The following TULP4 variants were observed in gnomAD, a reference collection of about 807,000 sequenced individuals.
TULP4 encodes TUB like protein 4.
A neutral mutation model predicts 129.0 loss-of-function variants in TULP4; 16 were observed. The ratio of observed to expected loss-of-function variants is 0.12; its 90% CI spans 0.08 to 0.19. The LOEUF (loss-of-function observed/expected upper bound fraction) is 0.19. TULP4 is among the 10% of genes least tolerant of loss of function. The pLI is 1.00. For missense variants in TULP4, 1,842 were observed against 2,059.1 expected, an observed-to-expected ratio of 0.89 and a Z score of 2.04; for synonymous variants, 998 against 854.0, an observed-to-expected ratio of 1.17 and a Z score of -2.94.
At position 158,312,683 on chromosome 6, in the gene TULP4, C is replaced by G. The variant is rs1374295519; in HGVS notation, c.-1334C>G. 6.6e-6 allele frequency: 1 copy of G among 151,622 alleles called. No individual in the cohort carries two copies. Among genetic ancestry groups the G allele is most frequent in the African/African-American group, 2.4e-5 (1 of 41,404 alleles). 9.4% of individuals were successfully genotyped at this position (151,622 alleles called of 1,614,324 possible). On this transcript the variant is annotated 5_prime_UTR_variant, in exon 1 of 14. Transcript: ENST00000367097. ...GAGAAATTTTAATTTATTATTCCCC[C>G]CCTTTTTTCCTGCATCTATAGGATA...
intron 2 of TULP4, among the ~76,000 whole-genome samples, chr6:158,428,937 C>A (rs545580790): frequency 6.6e-6 from 1 of 152,316 alleles, no homozygotes; most frequent in East Asian, 1.9e-4. Flanking sequence ...ACATACAGAA[C>A]ACTGGTGATG....
At chr6:158,441,442 C>T (rs1778895901) in intron 3 of TULP4, among the ~76,000 whole-genome samples, 1 of 152,206 alleles carries the variant, frequency 6.6e-6, no homozygotes, top group Admixed American at 6.5e-5. Flanking sequence ...ATATCTTTAT[C>T]AATACCACAG....
chr6:158,376,510 C>G (rs1777195567), intron 1 of TULP4, among the ~76,000 whole-genome samples: 1 of 152,232 alleles, frequency 6.6e-6, no homozygotes, highest in South Asian at 2.1e-4. Context: ...CTGAAAGTCA[C>G]ACAACATCTC....
intron 1 of TULP4, among the ~76,000 whole-genome samples, chr6:158,249,252 T>C (rs1242225485): frequency 6.6e-6 from 1 of 152,314 alleles, no homozygotes; most frequent in African/African-American, 2.4e-5. Flanking sequence ...CTCAGTCTTA[T>C]GTTTCATATG....
rs142842700 is a variant in TULP4 at position 158,371,602 on chromosome 6, A to G, written c.253-41463A>G. 1.2e-3 allele frequency among the ~76,000 whole-genome samples: 179 copies of G among 152,276 alleles called. 4 individuals carry two copies. In the East Asian group the frequency reaches 0.034, roughly 29 times the overall value. On this transcript the variant is annotated intron_variant, in intron 1 of 13. Transcript: ENST00000367097. Reference sequence around the variant, plus strand: ...CACATTTCACTAATAACTTATTCTAAAGTGAAGTGGAGGCTGACAAGAGAG... The same window carrying G: ...CACATTTCACTAATAACTTATTCTAGAGTGAAGTGGAGGCTGACAAGAGAG...
rs553503808 is a variant in TULP4 at position 158,481,180 on chromosome 6, G to T, written c.1377G>T (p.Thr459=). Residue 459 remains threonine, a synonymous_variant, in exon 8 of 14, where the codon ACG becomes ACT. Transcript: ENST00000367097. ...CGGAGGTGGGCGGCCCGTGCTACAC[G>T]CTCTACCTGGAGTACCTGGGCGGGC... is the stretch of plus-strand genomic sequence containing the variant. The part of the protein sequence containing the change: ...DDPEVGGPCY[T]LYLEYLGGLV... 4 of 1,614,104 alleles carry T rather than the reference G, an allele frequency of 2.5e-6. No individual in the cohort carries two copies. Among genetic ancestry groups the T allele is most frequent in the Non-Finnish European group, 3.4e-6 (4 of 1,180,044 alleles).
intron 1 of TULP4, among the ~76,000 whole-genome samples, chr6:158,257,601 G>C (rs912908258): frequency 6.6e-6 from 1 of 152,110 alleles, no homozygotes; most frequent in African/African-American, 2.4e-5. Context: ...TCTCTAATAT[G>C]ATGTCCCTTT....
rs1238735419 is a variant in TULP4, at chr6:158,322,270, G to T, written c.252+8002G>T. On this transcript the variant is annotated intron_variant, in intron 1 of 13. Transcript: ENST00000367097. ...TTTAGTAGATTTGTGACCAACTAAG[G>T]TATTATAATGGTGGATATAATGGAG... Among the ~76,000 whole-genome samples, 3 of 152,244 alleles carry T rather than the reference G, an allele frequency of 2.0e-5. 1 individual carries two copies. The South Asian group carries it at 6.2e-4, about 32-fold the overall frequency.
At chr6:158,444,273 T>C (rs867340637) in intron 3 of TULP4, among the ~76,000 whole-genome samples, 1 of 141,888 alleles carries the variant, frequency 7.0e-6, no homozygotes. Context: ...TTTTAACTTT[T>C]GCCGCATCTC....
chr6:158,273,377 C>A (rs568977154), intron 1 of TULP4, among the ~76,000 whole-genome samples: 13 of 152,160 alleles, frequency 8.5e-5, no homozygotes, highest in Admixed American at 5.2e-4. Flanking sequence ...GGGCTCACCA[C>A]TAGAGCCTTT....
At chr6:158,339,744 A>G (rs9456293) in intron 1 of TULP4, among the ~76,000 whole-genome samples, 131,009 of 152,164 alleles carry the variant, frequency 0.86, 56,839 homozygotes, top group South Asian at 0.93. Context: ...CCTGAAAATC[A>G]CTGTTATCCT....
chr6:158,509,517 A>C lies in TULP4; in HGVS notation c.*2823A>C, dbSNP rs1780683590. The C allele has an allele frequency of 6.6e-6, 1 of 152,238 alleles. No individual in the cohort carries two copies. The highest frequency in any genetic ancestry group is 1.5e-5 in the Non-Finnish European group (1 of 68,040). 9.4% of individuals were successfully genotyped at this position (152,238 alleles called of 1,614,324 possible). The stretch of plus-strand genomic sequence containing the variant: ...AAAAGCCCATTTTAGAACCTGTTTA[A>C]TAAGAGCAAATATAGGGGAAAATCT... On this transcript the variant is annotated 3_prime_UTR_variant, in exon 14 of 14. Transcript: ENST00000367097.
At position 158,452,265 on chromosome 6, in the gene TULP4, A is replaced by G. The variant is rs1432810405; in HGVS notation, c.856A>G (p.Lys286Glu). The G allele has an allele frequency of 6.2e-7, 1 of 1,613,996 alleles. No individual in the cohort carries two copies. ...LSPTVIRSGL[K>E]EVVAQWCTQG... ...TCCCACGGTCATCCGCTCAGGGCTG[A>G]AAGGTACAGAATGCTGCACACACCC... Residue 286 changes from lysine (K) to glutamate (E), a missense_variant, in exon 5 of 14, where the codon AAA becomes GAA. This residue lies in a region of TULP4 where 456 missense variants were observed against 534.3 expected (regional missense o/e 0.85). Coordinates refer to ENST00000367097, the MANE Select transcript of TULP4 (RefSeq NM_020245.5).
chr6:158,493,858 A>C lies in TULP4; in HGVS notation c.1776+141A>C. On this transcript the variant is annotated intron_variant, in intron 10 of 13. Transcript: ENST00000367097. This position sits in a 1 kb window ranked among gnomAD's most constrained non-coding sequence, Gnocchi z 4.4. Reference sequence around the variant, plus strand: ...CTCCACATCCTGCACACCACCTACTACCTCAGGAGTAGCCCTCAGGTGGAG... The same window carrying C: ...CTCCACATCCTGCACACCACCTACTCCCTCAGGAGTAGCCCTCAGGTGGAG... 6.6e-6 allele frequency: 6 copies of C among 906,288 alleles called. No individual in the cohort carries two copies. Among genetic ancestry groups the C allele is most frequent in the Non-Finnish European group, 7.7e-6 (5 of 646,924 alleles). 56.1% of individuals were successfully genotyped at this position (906,288 alleles called of 1,614,324 possible). A position where few individuals can be genotyped will look rare whatever the true frequency, so the allele number is the denominator to read the frequency against.
chr6:158,442,327 T>C (rs931685500), intron 3 of TULP4, among the ~76,000 whole-genome samples: 5 of 152,186 alleles, frequency 3.3e-5, no homozygotes, highest in Non-Finnish European at 5.9e-5. Context: ...TGTAAAATTT[T>C]GAAATGGGAA....
At chr6:158,240,884 G>C (rs1056573536) in intron 1 of TULP4, among the ~76,000 whole-genome samples, 2 of 150,808 alleles carry the variant, frequency 1.3e-5, no homozygotes, top group African/African-American at 4.8e-5. Flanking sequence ...GTGGCTGCCG[G>C]GCGGAGACGC....
rs71030174 is a variant in TULP4 at position 158,455,736 on chromosome 6, CAA to C, written c.859+3483_859+3484del. On this transcript the variant is annotated intron_variant, in intron 5 of 13. Coordinates refer to ENST00000367097, the MANE Select transcript of TULP4 (RefSeq NM_020245.5). ...TGGGTAACAGAGCAAGACTCCGTCT[CAA>C]AAAAAAAAAAAAAATTATTTGCAGG... Among the ~76,000 whole-genome samples the C allele has an allele frequency of 3.0e-3, 420 of 141,314 alleles. 1 individual carries two copies. The highest frequency in any genetic ancestry group is 8.9e-3 in the African/African-American group (347 of 38,996). 92.7% of individuals were successfully genotyped at this position (141,314 alleles called of 152,430 possible). A position where few individuals can be genotyped will look rare whatever the true frequency, so the allele number is the denominator to read the frequency against.
At chr6:158,467,578 G>C (rs1779581881) in intron 6 of TULP4, among the ~76,000 whole-genome samples, 2 of 152,158 alleles carry the variant, frequency 1.3e-5, no homozygotes, top group Non-Finnish European at 2.9e-5. Context: ...ACCGCGCCCT[G>C]CCTGCCTTTC....
chr6:158,305,324 CGTGT>C (rs34836137), intron 1 of TULP4, among the ~76,000 whole-genome samples: 3,741 of 141,802 alleles, frequency 0.026, 133 homozygotes, highest in African/African-American at 0.081. Flanking sequence ...ATTCTGTGTG[CGTGT>C]GTGTGTGTGT....
Sources: allele counts gnomAD v4.1 joint callset (sites outside exome capture counted in the v4.1 genomes callset), GRCh38; gene constraint gnomAD v4.1.1; regional missense constraint gnomAD v4.1.1; non-coding constraint Gnocchi (gnomAD v3.1); transcripts MANE v1.5; gene names NCBI Gene and HGNC (gene_info 2026-07-23, HGNC 2026-07-21).